Variants in MCCC1 observed in about 807,000 individuals in gnomAD.
MCCC1 encodes methylcrotonyl-CoA carboxylase subunit 1.
MCCC1 carries 64 observed loss-of-function variants against 83.8 expected under a neutral mutation model. The ratio of observed to expected loss-of-function variants is 0.76; its 90% confidence interval spans 0.62 to 0.94. The LOEUF (loss-of-function observed/expected upper bound fraction) is 0.94. Ranked by LOEUF, MCCC1 falls within the 40% of genes least tolerant of loss-of-function variation. The pLI is 0.00. For missense variants in MCCC1, 807 were observed against 904.7 expected (o/e 0.89, Z 1.39); for synonymous variants, 322 against 315.4 (o/e 1.02, Z -0.22).
Position 183,037,398 on chromosome 3 carries a change from T to C in MCCC1, c.1414A>G (p.Asn472Asp). Residue 472 changes from asparagine to aspartate, a missense_variant, in exon 13 of 19, where the codon AAC becomes GAC. By Grantham distance (23) the Asn-to-Asp change is conservative. Coordinates refer to ENST00000265594, the MANE Select transcript of MCCC1 (RefSeq NM_020166.5). ...TCAAACTCTGGGTGGCCAGACAGGTTGAGTAAGAAGTCAATGTTGGTGTGC... is the reference window on the plus strand; with the variant it reads ...TCAAACTCTGGGTGGCCAGACAGGTCGAGTAAGAAGTCAATGTTGGTGTGC... ...GLHTNIDFLL[N>D]LSGHPEFEAG... The C allele has an allele frequency of 6.2e-7, 1 of 1,614,132 alleles. No individual in the cohort carries two copies. Among genetic ancestry groups the C allele is most frequent in the Non-Finnish European group, 8.5e-7 (1 of 1,180,040 alleles).
At chr3:183,106,951 C>CTT (rs539571632) in intron 1 of MCCC1, among the ~76,000 whole-genome samples, 5 of 151,308 alleles carry the variant, frequency 3.3e-5, no homozygotes, top group African/African-American at 1.2e-4. Context: ...GACATGATGC[C>CTT]TTTTTTTTTA....
intron 1 of MCCC1, among the ~76,000 whole-genome samples, chr3:183,096,100 C>A (rs1718713616): frequency 6.6e-6 from 1 of 152,160 alleles, no homozygotes; most frequent in African/African-American, 2.4e-5. Flanking sequence ...ATTTGAGAGG[C>A]TGAGGTGGGG....
chr3:183,042,378 C>A (rs1714162718), intron 10 of MCCC1, among the ~76,000 whole-genome samples: 1 of 152,274 alleles, frequency 6.6e-6, no homozygotes, highest in Non-Finnish European at 1.5e-5. Context: ...ACCAATACAA[C>A]AAATCACTCT....
intron 13 of MCCC1, among the ~76,000 whole-genome samples, chr3:183,036,511 T>C (rs991814127): frequency 6.7e-6 from 1 of 149,670 alleles, no homozygotes; most frequent in South Asian, 2.1e-4. Flanking sequence ...GGAGAACAAG[T>C]GTTTGACTGA....
chr3:183,035,071 G>A (rs1219747424), intron 13 of MCCC1, among the ~76,000 whole-genome samples: 7 of 152,144 alleles, frequency 4.6e-5, no homozygotes, highest in South Asian at 2.1e-4. Flanking sequence ...GAGCCACCGC[G>A]CCTGGCCCCT....
intron 11 of MCCC1, among the ~76,000 whole-genome samples, chr3:183,039,950 G>T (rs141641469): frequency 6.6e-6 from 1 of 151,766 alleles, no homozygotes; most frequent in Admixed American, 6.6e-5. Flanking sequence ...CAAAAAATTA[G>T]CCGGGCGTGG....
intron 2 of MCCC1, among the ~76,000 whole-genome samples, chr3:183,093,644 TAA>T (rs1560282437): frequency 6.6e-6 from 1 of 152,042 alleles, no homozygotes; most frequent in Non-Finnish European, 1.5e-5. Flanking sequence ...CTCAACATAA[TAA>T]AGTTATTTCT....
intron 11 of MCCC1, among the ~76,000 whole-genome samples, chr3:183,039,827 T>G (rs1713920353): frequency 6.6e-6 from 1 of 152,014 alleles, no homozygotes; most frequent in Admixed American, 6.5e-5. Flanking sequence ...TGCCTACAGG[T>G]GGCTCACGCC....
intron 14 of MCCC1, among the ~76,000 whole-genome samples, chr3:183,026,691 C>T (rs1022899388): frequency 6.6e-6 from 1 of 151,886 alleles, no homozygotes; most frequent in African/African-American, 2.4e-5. Context: ...GCCTGGGTGA[C>T]AGAGTGAGGC....
intron 4 of MCCC1, among the ~76,000 whole-genome samples, chr3:183,086,354 T>A (rs373096290): frequency 2.0e-5 from 3 of 152,236 alleles, no homozygotes; most frequent in African/African-American, 7.2e-5. Flanking sequence ...TTCTTGCTTA[T>A]ATTTTACCTT....
chr3:183,015,880 G>A (rs1711571400), intron 18 of MCCC1, among the ~76,000 whole-genome samples: 1 of 151,442 alleles, frequency 6.6e-6, no homozygotes, highest in South Asian at 2.1e-4. Context: ...CACCTAGGAA[G>A]CTTTCAACAG....
intron 16 of MCCC1, 48 bp from the exon 17 acceptor site, chr3:183,020,285 T>C: frequency 1.5e-6 from 2 of 1,358,440 alleles, no homozygotes; most frequent in African/African-American, 1.4e-5. Context: ...CCTATCACTA[T>C]ATTTTTACTA....
intron 1 of MCCC1, among the ~76,000 whole-genome samples, chr3:183,096,839 C>A (rs1718773164): frequency 6.6e-6 from 1 of 152,190 alleles, no homozygotes; most frequent in Non-Finnish European, 1.5e-5. Flanking sequence ...TAGCTCATAG[C>A]ATCGTCTTCC....
intron 10 of MCCC1, among the ~76,000 whole-genome samples, chr3:183,042,140 T>G (rs1205253275): frequency 6.6e-6 from 1 of 152,186 alleles, no homozygotes; most frequent in Non-Finnish European, 1.5e-5. Context: ...AAATAGTATA[T>G]TATTAGTGTT....
At chr3:183,046,554 T>C (rs961861721) in intron 9 of MCCC1, among the ~76,000 whole-genome samples, 11 of 152,170 alleles carry the variant, frequency 7.2e-5, no homozygotes, top group African/African-American at 2.4e-4. Context: ...CACACCACTA[T>C]GTCCAGCTAA....
In MCCC1 at chr3:183,099,362, G is replaced by T; in HGVS notation, c.79C>A (p.Leu27Met). 1 of 1,601,476 alleles carries T rather than the reference G, an allele frequency of 6.2e-7. No individual in the cohort carries two copies. Among genetic ancestry groups the T allele is most frequent in the South Asian group, 1.1e-5 (1 of 89,384 alleles). The change falls in exon 1 of 19, where the codon CTG becomes ATG. Residue 27 changes from leucine to methionine, a missense_variant. Transcript: ENST00000265594. ...GGCCCCTCCACCCACCTCGGCGGCA[G>T]GAGCAGGCTCGGGAGACGATGCCAC... ...NRWHRLPSLL[L>M]PPRTWVWRQR... is the part of the protein sequence containing the mutation.
intron 8 of MCCC1, among the ~76,000 whole-genome samples, chr3:183,057,098 G>C (rs1340115945): frequency 6.6e-6 from 1 of 152,150 alleles, no homozygotes; most frequent in East Asian, 1.9e-4. Context: ...TATCCAGAAG[G>C]AACATGACCC....
rs1460988489 is a variant in MCCC1 at position 183,062,256 on chromosome 3, G to A, written c.762-4834C>T. Among the ~76,000 whole-genome samples the A allele has an allele frequency of 7.2e-5, 11 of 152,102 alleles. No individual in the cohort carries two copies. The East Asian group carries it at 2.1e-3, about 29-fold the overall frequency. ...ATCTTTTAGGTGCTCCAGGTAAGAG[G>A]AAACACTACAGCAGGGATTCCAGGT... On this transcript the variant is annotated intron_variant, in intron 7 of 18. Coordinates refer to ENST00000265594, the MANE Select transcript of MCCC1 (RefSeq NM_020166.5).
intron 2 of MCCC1, among the ~76,000 whole-genome samples, chr3:183,093,375 G>T (rs1718506530): frequency 6.6e-6 from 1 of 152,102 alleles, no homozygotes; most frequent in Non-Finnish European, 1.5e-5. Flanking sequence ...CACAGCTAAA[G>T]AAACAATCTG....
Sources: allele counts gnomAD v4.1 joint callset (sites outside exome capture counted in the v4.1 genomes callset), GRCh38; gene constraint gnomAD v4.1.1; transcripts MANE v1.5; gene names NCBI Gene and HGNC (gene_info 2026-07-23, HGNC 2026-07-21).